The following DLG2 variants were observed in gnomAD, a reference collection of about 807,000 sequenced individuals.
DLG2 encodes disks large homolog 2.
In DLG2, 45 loss-of-function variants were observed where a neutral mutation model predicts 132.5. The observed-to-expected ratio is 0.34, with a 90% confidence interval of 0.27 to 0.44. The LOEUF (loss-of-function observed/expected upper bound fraction) is 0.44. Ranked by LOEUF, DLG2 falls within the 20% of genes least tolerant of loss-of-function variation. The pLI, the probability that DLG2 is intolerant of heterozygous loss-of-function variation, is 1.00. For synonymous variants in DLG2, 424 were observed against 419.6 expected, an observed-to-expected ratio of 1.01 and a Z score of -0.13; for missense variants, 1,045 against 1,196.9, an observed-to-expected ratio of 0.87 and a Z score of 1.87.
intron 3 of DLG2, among the ~76,000 whole-genome samples, chr11:85,471,456 A>C (rs1038066593): frequency 6.6e-6 from 1 of 152,210 alleles, no homozygotes; most frequent in African/African-American, 2.4e-5. Flanking sequence ...GATGGTATTT[A>C]AATGTTTTTA....
intron 10 of DLG2, among the ~76,000 whole-genome samples, chr11:84,087,805 T>G (rs2097015692): frequency 6.6e-6 from 1 of 152,236 alleles, no homozygotes; most frequent in African/African-American, 2.4e-5. Flanking sequence ...ATATAGTCTC[T>G]GGGGTTCCCC....
chr11:84,589,126 G>C (rs975543630), intron 6 of DLG2, among the ~76,000 whole-genome samples: 1 of 152,140 alleles, frequency 6.6e-6, no homozygotes, highest in Non-Finnish European at 1.5e-5. Context: ...GGTTGTGGCT[G>C]AAGGGTTGAA....
intron 3 of DLG2, among the ~76,000 whole-genome samples, chr11:85,433,983 G>A (rs2091336241): frequency 6.6e-6 from 1 of 152,150 alleles, no homozygotes; most frequent in South Asian, 2.1e-4. Context: ...AGACCACAGT[G>A]CAATCAAATT....
At chr11:84,727,286 C>T (rs905702008) in intron 6 of DLG2, among the ~76,000 whole-genome samples, 2 of 151,988 alleles carry the variant, frequency 1.3e-5, no homozygotes, top group African/African-American at 4.8e-5. Context: ...GTGTAAGGAA[C>T]GGGTCCAGTG....
intron 18 of DLG2, among the ~76,000 whole-genome samples, chr11:83,748,050 A>T (rs2093042268): frequency 6.6e-6 from 1 of 152,228 alleles, no homozygotes; most frequent in East Asian, 1.9e-4. Flanking sequence ...GGGATTTAAC[A>T]GGCAATCTGG....
intron 14 of DLG2, among the ~76,000 whole-genome samples, chr11:83,933,708 A>G (rs1023445265): frequency 2.0e-5 from 3 of 150,192 alleles, no homozygotes; most frequent in Non-Finnish European, 4.4e-5. Context: ...GCTCCTTCCC[A>G]TTTGGACCAC....
At chr11:83,947,484 T>C (rs2084330184) in intron 14 of DLG2, among the ~76,000 whole-genome samples, 1 of 152,142 alleles carries the variant, frequency 6.6e-6, no homozygotes, top group Non-Finnish European at 1.5e-5. Context: ...GTAAGAGTGT[T>C]TCCCCCGCAT....
intron 3 of DLG2, among the ~76,000 whole-genome samples, chr11:85,437,799 G>GA (rs2091571133): frequency 6.6e-6 from 1 of 151,830 alleles, no homozygotes; most frequent in African/African-American, 2.4e-5. Context: ...AAGGAAAAAA[G>GA]AAAAAATAAA....
chr11:83,578,925 G>A (rs2096925362), intron 19 of DLG2, among the ~76,000 whole-genome samples: 1 of 152,218 alleles, frequency 6.6e-6, no homozygotes, highest in Non-Finnish European at 1.5e-5. Flanking sequence ...CACACAGACA[G>A]TGAGTGATAG....
chr11:85,614,621 C>A (rs188201382), intron 2 of DLG2, among the ~76,000 whole-genome samples: 2 of 152,140 alleles, frequency 1.3e-5, no homozygotes, highest in South Asian at 2.1e-4. Flanking sequence ...GCCTGGGCAA[C>A]GAGAGTGCAA....
rs1395772013 is a variant in DLG2 at position 83,825,905 on chromosome 11, G to T, written c.1722+7709C>A. 2.0e-5 allele frequency among the ~76,000 whole-genome samples: 3 copies of T among 152,130 alleles called. No individual in the cohort carries two copies. The East Asian group carries it at 5.8e-4, about 29-fold the overall frequency. On this transcript the variant is annotated intron_variant, in intron 17 of 27. Transcript: ENST00000376104. ...GGATGGGTGCCAGGGTTATGCCAAG[G>T]TGTGAAAATTTTGAATAGCATCCCT...
chr11:85,070,156 G>A (rs1322594967), intron 6 of DLG2, among the ~76,000 whole-genome samples: 3 of 151,920 alleles, frequency 2.0e-5, no homozygotes, highest in Non-Finnish European at 4.4e-5. Flanking sequence ...CCTGTCGTGG[G>A]GTGGGTGGAG....
chr11:84,534,287 T>C (rs2099350299), intron 7 of DLG2, among the ~76,000 whole-genome samples: 1 of 152,174 alleles, frequency 6.6e-6, no homozygotes, highest in African/African-American at 2.4e-5. Context: ...TTTAAAAATA[T>C]GTGGTTAGCT....
Position 85,136,377 on chromosome 11 carries a change from T to C in DLG2, c.282+18179A>G, listed in dbSNP as rs537581606. On this transcript the variant is annotated intron_variant, in intron 5 of 27. Coordinates refer to ENST00000376104, the MANE Select transcript of DLG2 (RefSeq NM_001142699.3). ...CACTTTGTGTATACCTTATCTTTGA[T>C]TGATTTTCCTCAGATATAAAGATGA... Among the ~76,000 whole-genome samples, 8 of 152,342 alleles carry C rather than the reference T, an allele frequency of 5.3e-5. No individual in the cohort carries two copies. In the East Asian group the frequency reaches 1.5e-3, roughly 29 times the overall value.
At chr11:85,535,875 C>T (rs933781204) in intron 3 of DLG2, among the ~76,000 whole-genome samples, 5 of 152,116 alleles carry the variant, frequency 3.3e-5, no homozygotes, top group African/African-American at 1.2e-4. Context: ...GTGAAAGAAG[C>T]TAGTCACAAA....
chr11:85,524,259 C>T (rs1375146542), intron 3 of DLG2, among the ~76,000 whole-genome samples: 1 of 151,988 alleles, frequency 6.6e-6, no homozygotes, highest in African/African-American at 2.4e-5. Flanking sequence ...GATTATTTGT[C>T]ACACAAAGAA....
intron 3 of DLG2, among the ~76,000 whole-genome samples, chr11:85,298,815 A>T (rs973102504): frequency 6.6e-6 from 1 of 152,134 alleles, no homozygotes; most frequent in Non-Finnish European, 1.5e-5. Context: ...TCTTGTTCCC[A>T]GGAGATACAC....
chr11:85,507,117 A>G, intron 3 of DLG2, among the ~76,000 whole-genome samples: 1 of 152,098 alleles, frequency 6.6e-6, no homozygotes. Context: ...TGCACGTTAG[A>G]TGGGTCTCCT....
intron 11 of DLG2, among the ~76,000 whole-genome samples, chr11:84,020,965 T>C (rs1186741866): frequency 6.6e-6 from 1 of 152,146 alleles, no homozygotes; most frequent in African/African-American, 2.4e-5. Flanking sequence ...GCCCACACAC[T>C]TTCTTCCTAA....
Sources: allele counts gnomAD v4.1 joint callset (sites outside exome capture counted in the v4.1 genomes callset), GRCh38; gene constraint gnomAD v4.1.1; transcripts MANE v1.5; gene names NCBI Gene and HGNC (gene_info 2026-07-23, HGNC 2026-07-21).